Variants in CDH11 observed in about 807,000 individuals in gnomAD.
CDH11 encodes the protein cadherin-11.
Under a neutral mutation model 67.8 loss-of-function variants are expected in CDH11, and 11 were observed. That is an observed-to-expected ratio of 0.16 (90% CI 0.10 to 0.27). The LOEUF (loss-of-function observed/expected upper bound fraction) is 0.27, where lower values mean the gene tolerates loss of function less well. Ranked by LOEUF, CDH11 falls within the 10% of genes least tolerant of loss-of-function variation. CDH11 has a pLI of 1.00. For missense variants in CDH11, 847 were observed against 1,031.2 expected (o/e 0.82, Z 2.45); for synonymous variants, 419 against 400.0 (o/e 1.05, Z -0.57).
chr16:65,037,507 T>C (rs762005958), intron 2 of CDH11, among the ~76,000 whole-genome samples: 1 of 152,112 alleles, frequency 6.6e-6, no homozygotes, highest in Non-Finnish European at 1.5e-5. Context: ...TTTGTGACAG[T>C]CATTGGTTTA....
chr16:64,944,873 A>G lies in CDH11; in HGVS notation c.*2730T>C, dbSNP rs1050087335. ...GGAAGGAGAGAAAATATCTTCTTGC[A>G]TTTTCTAGGAGGGCAAATAGGTAAA... On this transcript the variant is annotated 3_prime_UTR_variant, in exon 13 of 13. Transcript: ENST00000268603. 17 of 221,978 alleles carry G rather than the reference A, an allele frequency of 7.7e-5. No individual in the cohort carries two copies. The highest frequency in any genetic ancestry group is 3.6e-4 in the African/African-American group (16 of 44,780). 13.8% of individuals were successfully genotyped at this position (221,978 alleles called of 1,614,324 possible). A position where few individuals can be genotyped will look rare whatever the true frequency, so the allele number is the denominator to read the frequency against.
intron 1 of CDH11, among the ~76,000 whole-genome samples, chr16:65,075,409 A>G (rs866284856): frequency 6.6e-6 from 1 of 152,168 alleles, no homozygotes; most frequent in South Asian, 2.1e-4. Flanking sequence ...AATCCTACTT[A>G]CGGGACCATC....
intron 1 of CDH11, among the ~76,000 whole-genome samples, chr16:65,074,786 C>T (rs1361562147): frequency 6.6e-6 from 1 of 152,056 alleles, no homozygotes; most frequent in Non-Finnish European, 1.5e-5. Flanking sequence ...GTGATAAAGA[C>T]CCACATTCAA....
intron 11 of CDH11, among the ~76,000 whole-genome samples, chr16:64,951,711 G>T (rs547874308): frequency 4.6e-5 from 7 of 152,206 alleles, no homozygotes; most frequent in Admixed American, 3.9e-4. Flanking sequence ...ATTTTTGTTT[G>T]TATATATTTT....
chr16:64,992,064 G>T, intron 5 of CDH11, 129 bp from the exon 6 acceptor site: 1 of 598,514 alleles, frequency 1.7e-6, no homozygotes. Context: ...ATTTCAACAT[G>T]GTAATTACAA....
intron 1 of CDH11, among the ~76,000 whole-genome samples, chr16:65,118,166 C>G (rs571285331): frequency 2.0e-4 from 31 of 152,166 alleles, no homozygotes; most frequent in Non-Finnish European, 1.9e-4. Flanking sequence ...TGCCATTGCC[C>G]TCTAGTGGCC....
At position 64,946,358 on chromosome 16, in the gene CDH11, G is replaced by T; in HGVS notation, c.*1245C>A. 1.9e-6 allele frequency: 2 copies of T among 1,040,530 alleles called. No individual in the cohort carries two copies. The highest frequency in any genetic ancestry group is 2.3e-6 in the Non-Finnish European group (2 of 863,312). The allele number at this position is 1,040,530 out of a possible 1,614,324, so 64.5% of individuals were successfully genotyped here. A position where few individuals can be genotyped will look rare whatever the true frequency, so the allele number is the denominator to read the frequency against. On this transcript the variant is annotated 3_prime_UTR_variant, in exon 13 of 13. Transcript: ENST00000268603. ...TAGTCCCCCAGTTCCCCAGTGCTCA[G>T]TGTGGGGCATAGAATGTATACCTGG... is the stretch of plus-strand genomic sequence containing the variant.
chr16:64,972,221 G>A (rs2072027113), intron 9 of CDH11, among the ~76,000 whole-genome samples, 157 bp from the exon 10 acceptor site: 1 of 152,188 alleles, frequency 6.6e-6, no homozygotes, highest in South Asian at 2.1e-4. Flanking sequence ...GAAGGGTGCT[G>A]TTAGTGGGAG....
At chr16:64,950,351 C>A (rs2071322995) in intron 12 of CDH11, among the ~76,000 whole-genome samples, 1 of 152,106 alleles carries the variant, frequency 6.6e-6, no homozygotes, top group Non-Finnish European at 1.5e-5. Context: ...TTCTTATGGG[C>A]CTAATGTCCC....
At chr16:64,999,084 T>C (rs2072848302) in intron 3 of CDH11, among the ~76,000 whole-genome samples, 2 of 152,196 alleles carry the variant, frequency 1.3e-5, no homozygotes, top group Non-Finnish European at 2.9e-5. Context: ...ATATTTTTAA[T>C]TCTAAGATTC....
chr16:65,071,569 A>T (rs1180831445), intron 1 of CDH11, among the ~76,000 whole-genome samples: 2 of 152,128 alleles, frequency 1.3e-5, no homozygotes, highest in Admixed American at 6.5e-5. Flanking sequence ...TTTAATGAGG[A>T]GGGGACCAGA....
chr16:64,978,606 C>T (rs1359503133), intron 8 of CDH11, among the ~76,000 whole-genome samples: 1 of 152,152 alleles, frequency 6.6e-6, no homozygotes, highest in East Asian at 1.9e-4. Context: ...GCAATGTAAT[C>T]AACAGTACAA....
chr16:65,078,606 T>C (rs989568484), intron 1 of CDH11, among the ~76,000 whole-genome samples: 1 of 152,174 alleles, frequency 6.6e-6, no homozygotes, highest in African/African-American at 2.4e-5. Context: ...GTGTAACCCA[T>C]CTCAAAATAT....
intron 8 of CDH11, among the ~76,000 whole-genome samples, chr16:64,974,052 A>T (rs1190137117): frequency 6.6e-6 from 1 of 152,118 alleles, no homozygotes; most frequent in Non-Finnish European, 1.5e-5. Flanking sequence ...ATAACGGATA[A>T]AAAAACCACA....
intron 1 of CDH11, among the ~76,000 whole-genome samples, chr16:65,084,317 A>G (rs1425963212): frequency 6.6e-6 from 1 of 151,486 alleles, no homozygotes; most frequent in Non-Finnish European, 1.5e-5. Context: ...TTAGTTGCAC[A>G]TGGGGGTACA....
chr16:65,118,989 C>T (rs555543236), intron 1 of CDH11: 1 of 152,158 alleles, frequency 6.6e-6, no homozygotes, highest in Non-Finnish European at 1.5e-5. Context: ...AGTTTACCAA[C>T]TTCATAAGTT....
At chr16:64,970,426 C>G (rs752919027) in intron 11 of CDH11, among the ~76,000 whole-genome samples, 6 of 152,108 alleles carry the variant, frequency 3.9e-5, no homozygotes, top group Non-Finnish European at 7.3e-5. Flanking sequence ...CCAGCCGTAA[C>G]TTTTATTTGG....
At chr16:65,120,197 G>A (rs2075302174) in intron 1 of CDH11, among the ~76,000 whole-genome samples, 1 of 152,126 alleles carries the variant, frequency 6.6e-6, no homozygotes, top group Admixed American at 6.5e-5. Flanking sequence ...CGAAAAGAAG[G>A]TCAGTCCCTT....
At chr16:65,070,122 G>T in intron 1 of CDH11, among the ~76,000 whole-genome samples, 1 of 152,166 alleles carries the variant, frequency 6.6e-6, no homozygotes, top group East Asian at 1.9e-4. Context: ...TGCACTCAGA[G>T]CCTCACTTTC....
Sources: allele counts gnomAD v4.1 joint callset (sites outside exome capture counted in the v4.1 genomes callset), GRCh38; gene constraint gnomAD v4.1.1; transcripts MANE v1.5; gene names NCBI Gene and HGNC (gene_info 2026-07-23, HGNC 2026-07-21).